SH3BGRL2: variants seen among roughly 807,000 people sequenced by gnomAD.
SH3BGRL2 encodes the protein SH3 domain-binding glutamic acid-rich-like protein 2.
In SH3BGRL2, 21 loss-of-function variants were observed where a neutral mutation model predicts 14.8. That is an observed-to-expected ratio of 1.42 (90% CI 1.01 to 2.05). The LOEUF is 2.05. Among genes scored for constraint, SH3BGRL2 ranks in the 30% most tolerant of loss-of-function variants. The pLI is 0.00. For synonymous variants in SH3BGRL2, 50 were observed against 47.8 expected (o/e 1.05, Z -0.19); for missense variants, 147 against 130.8 (o/e 1.12, Z -0.61).
At chr6:79,590,806 A>G in the SH3BGRL2 span, among the ~76,000 whole-genome samples, 2 of 152,198 alleles carry the variant, frequency 1.3e-5, no homozygotes, top group South Asian at 4.1e-4. Flanking sequence ...AAACCTGCAC[A>G]TGTACCTCCT....
At chr6:79,547,464 C>G in the SH3BGRL2 span, among the ~76,000 whole-genome samples, 1 of 152,104 alleles carries the variant, frequency 6.6e-6, no homozygotes, top group African/African-American at 2.4e-5. Context: ...CACATGAAGC[C>G]TTGATGCGCT....
the SH3BGRL2 span, among the ~76,000 whole-genome samples, chr6:79,551,034 C>G: frequency 6.6e-6 from 1 of 152,124 alleles, no homozygotes; most frequent in Non-Finnish European, 1.5e-5. Context: ...TGCCAGTCTA[C>G]TATGGGGAAA....
At chr6:79,602,679 T>C in the SH3BGRL2 span, among the ~76,000 whole-genome samples, 1 of 152,188 alleles carries the variant, frequency 6.6e-6, no homozygotes, top group Non-Finnish European at 1.5e-5. Flanking sequence ...CATGCCTACC[T>C]ATCTGGGCTT....
At chr6:79,590,448 T>TG in the SH3BGRL2 span, among the ~76,000 whole-genome samples, 36 of 135,174 alleles carry the variant, frequency 2.7e-4, 2 homozygotes, top group Admixed American at 4.7e-4. Context: ...TATATATATA[T>TG]ATATATATAT....
Position 79,699,706 on chromosome 6 carries a change from AT to A in SH3BGRL2, c.*207del, listed in dbSNP as rs955928423. 1,245 of 659,340 alleles carry A rather than the reference AT, an allele frequency of 1.9e-3. 2 individuals carry two copies. Among genetic ancestry groups the A allele is most frequent in the Non-Finnish European group, 2.3e-3 (1,041 of 446,668 alleles). 40.8% of individuals were successfully genotyped at this position (659,340 alleles called of 1,614,324 possible). Reference sequence around the variant, plus strand: ...TGCTTTAAACCAAATCAGGTGGTGGATTTTTTTTTTCTTATTCTATTTGCCT... The same window carrying A: ...TGCTTTAAACCAAATCAGGTGGTGGATTTTTTTTTCTTATTCTATTTGCCT... On this transcript the variant is annotated 3_prime_UTR_variant, in exon 4 of 4. Coordinates refer to ENST00000369838, the MANE Select transcript of SH3BGRL2 (RefSeq NM_031469.4).
chr6:79,591,836 A>G, the SH3BGRL2 span, among the ~76,000 whole-genome samples: 2 of 152,322 alleles, frequency 1.3e-5, no homozygotes, highest in Non-Finnish European at 2.9e-5. Context: ...ATTCATGAAC[A>G]ACCAAAATAA....
At chr6:79,553,808 C>CA in the SH3BGRL2 span, among the ~76,000 whole-genome samples, 3 of 151,824 alleles carry the variant, frequency 2.0e-5, no homozygotes, top group Non-Finnish European at 4.4e-5. Flanking sequence ...CCCGTCTCTA[C>CA]AAAAAATACA....
At chr6:79,670,240 G>A (rs754337062) in intron 1 of SH3BGRL2, among the ~76,000 whole-genome samples, 5 of 152,228 alleles carry the variant, frequency 3.3e-5, no homozygotes, top group Non-Finnish European at 7.3e-5. Context: ...TGCAGGCCAT[G>A]TAAAAATGGT....
chr6:79,642,986 A>G (rs570044965), intron 1 of SH3BGRL2, among the ~76,000 whole-genome samples: 2 of 152,300 alleles, frequency 1.3e-5, no homozygotes, highest in South Asian at 4.1e-4. Flanking sequence ...TGTGGGAGAC[A>G]GGAGAAGGAA....
At chr6:79,658,532 C>T (rs968520991) in intron 1 of SH3BGRL2, among the ~76,000 whole-genome samples, 2 of 152,214 alleles carry the variant, frequency 1.3e-5, no homozygotes, top group African/African-American at 4.8e-5. Flanking sequence ...TTTCTTAATC[C>T]AGTCTATCAT....
At chr6:79,552,991 C>T in the SH3BGRL2 span, 1 of 152,170 alleles carries the variant, frequency 6.6e-6, no homozygotes, top group African/African-American at 2.4e-5. Flanking sequence ...TCCTTCATTG[C>T]TTTGGTGAAT....
At chr6:79,683,684 T>G (rs946164947) in intron 2 of SH3BGRL2, among the ~76,000 whole-genome samples, 3 of 152,188 alleles carry the variant, frequency 2.0e-5, no homozygotes, top group African/African-American at 7.2e-5. Flanking sequence ...CCTGACCTTG[T>G]GATCTGCCCG....
intron 2 of SH3BGRL2, among the ~76,000 whole-genome samples, chr6:79,689,805 T>C (rs1184316846): frequency 6.6e-6 from 1 of 152,236 alleles, no homozygotes; most frequent in East Asian, 1.9e-4. Flanking sequence ...TAAGTCTCAT[T>C]GTACCTTGCC....
At chr6:79,597,839 GA>G in the SH3BGRL2 span, among the ~76,000 whole-genome samples, 1 of 152,166 alleles carries the variant, frequency 6.6e-6, no homozygotes, top group Non-Finnish European at 1.5e-5. Flanking sequence ...CCAAATGGCA[GA>G]AAATGTTTGT....
At chr6:79,658,398 T>C (rs1045230010) in intron 1 of SH3BGRL2, among the ~76,000 whole-genome samples, 1 of 152,182 alleles carries the variant, frequency 6.6e-6, no homozygotes, top group African/African-American at 2.4e-5. Flanking sequence ...CGTTGTTTGG[T>C]TTTCTGTCCT....
At chr6:79,674,918 A>T (rs189595633) in intron 2 of SH3BGRL2, among the ~76,000 whole-genome samples, 1 of 152,242 alleles carries the variant, frequency 6.6e-6, no homozygotes, top group Admixed American at 6.5e-5. Context: ...ATCGTTTCAA[A>T]AGCATTTCTT....
the SH3BGRL2 span, among the ~76,000 whole-genome samples, chr6:79,558,902 TA>T: frequency 2.0e-5 from 3 of 151,610 alleles, no homozygotes; most frequent in African/African-American, 7.3e-5. Flanking sequence ...TAAGCAGCAC[TA>T]AAAGGAAGCA....
chr6:79,566,487 G>C, the SH3BGRL2 span, among the ~76,000 whole-genome samples: 3 of 152,010 alleles, frequency 2.0e-5, no homozygotes, highest in East Asian at 1.9e-4. Flanking sequence ...AAACGTAATA[G>C]GTCCAGAACA....
intron 2 of SH3BGRL2, among the ~76,000 whole-genome samples, chr6:79,687,770 G>A (rs1477559275): frequency 6.6e-6 from 1 of 152,090 alleles, no homozygotes; most frequent in African/African-American, 2.4e-5. Flanking sequence ...TTCTTCTTTT[G>A]GGTAAAACAA....
Sources: gnomAD v4.1 joint callset for allele counts (sites outside exome capture counted in the v4.1 genomes callset) on GRCh38, gnomAD v4.1.1 for gene constraint, MANE v1.5 for transcripts, NCBI Gene and HGNC (gene_info 2026-07-23, HGNC 2026-07-21) for gene names.